The following MED13L variants were observed in gnomAD, a reference collection of about 807,000 sequenced individuals.
The protein encoded by MED13L is mediator complex subunit 13L.
Under a neutral mutation model 220.9 loss-of-function variants are expected in MED13L, and 7 were observed. The observed-to-expected ratio is 0.03, with a 90% CI of 0.02 to 0.06. The LOEUF (loss-of-function observed/expected upper bound fraction) is 0.06. Ranked by LOEUF, MED13L falls within the 10% of genes least tolerant of loss-of-function variation. MED13L has a pLI of 1.00. For synonymous variants in MED13L, 1,011 were observed against 1,015.2 expected (o/e 1.00, Z 0.08); for missense variants, 1,965 against 2,760.5 (o/e 0.71, Z 6.46).
At chr12:116,067,004 T>C (rs745337270) in intron 4 of MED13L, among the ~76,000 whole-genome samples, 3 of 151,928 alleles carry the variant, frequency 2.0e-5, no homozygotes, top group African/African-American at 4.8e-5. Context: ...CAACTGAAGG[T>C]GATGAGAAAA....
At chr12:116,147,276 A>G (rs1877604293) in intron 2 of MED13L, among the ~76,000 whole-genome samples, 1 of 152,232 alleles carries the variant, frequency 6.6e-6, no homozygotes, top group African/African-American at 2.4e-5. Flanking sequence ...TCAAATAGTA[A>G]AAAAATAAAT....
intron 2 of MED13L, among the ~76,000 whole-genome samples, chr12:116,118,129 G>A (rs1345917891): frequency 6.6e-6 from 1 of 151,976 alleles, no homozygotes; most frequent in African/African-American, 2.4e-5. Context: ...TTTTTTAAAT[G>A]CTAAAAATTA....
intron 6 of MED13L, 66 bp downstream of exon 6, chr12:116,019,712 A>G: frequency 6.6e-7 from 1 of 1,504,872 alleles, no homozygotes; most frequent in Non-Finnish European, 9.2e-7. Context: ...AATCTAAATG[A>G]TTATCTTTTT....
intron 2 of MED13L, among the ~76,000 whole-genome samples, chr12:116,119,627 G>C (rs1874825417): frequency 6.6e-6 from 1 of 150,930 alleles, no homozygotes; most frequent in South Asian, 2.1e-4. Context: ...GGATTGCAAG[G>C]CTCCAGCTCT....
At chr12:116,128,483 T>C (rs1275252366) in intron 2 of MED13L, among the ~76,000 whole-genome samples, 2 of 151,770 alleles carry the variant, frequency 1.3e-5, no homozygotes, top group Non-Finnish European at 2.9e-5. Flanking sequence ...AATACCACAA[T>C]AAACTCACAA....
chr12:116,275,871 C>G (rs1212293147), intron 1 of MED13L, among the ~76,000 whole-genome samples: 4 of 152,202 alleles, frequency 2.6e-5, no homozygotes, highest in African/African-American at 9.7e-5. Context: ...CATCTGTTTA[C>G]AAATCTTTGC....
At chr12:116,274,853 G>GTAA (rs983408889) in intron 1 of MED13L, among the ~76,000 whole-genome samples, 1 of 151,830 alleles carries the variant, frequency 6.6e-6, no homozygotes, top group Non-Finnish European at 1.5e-5. Flanking sequence ...GGTTTAAAGA[G>GTAA]GTTTAGGGGA....
intron 4 of MED13L, among the ~76,000 whole-genome samples, chr12:116,033,071 T>C (rs11615595): frequency 0.15 from 22,640 of 152,026 alleles, 1,898 homozygotes; most frequent in Middle Eastern, 0.21. Flanking sequence ...TGTATGAGTT[T>C]GATTGGGTTT....
intron 2 of MED13L, among the ~76,000 whole-genome samples, chr12:116,193,146 A>C (rs1020160828): frequency 3.3e-5 from 5 of 151,694 alleles, no homozygotes; most frequent in African/African-American, 1.2e-4. Context: ...AACAACAACA[A>C]CAAAAAAAAC....
At chr12:116,237,821 A>G in intron 1 of MED13L, 116 bp from the exon 2 acceptor site, 1 of 905,160 alleles carries the variant, frequency 1.1e-6, no homozygotes, top group Admixed American at 1.9e-5. Flanking sequence ...GAAACTTCAT[A>G]TCATAAGATT....
At chr12:116,211,319 ATTAAC>A (rs1431398871) in intron 2 of MED13L, among the ~76,000 whole-genome samples, 2 of 152,116 alleles carry the variant, frequency 1.3e-5, no homozygotes, top group Non-Finnish European at 1.5e-5. Context: ...TTTAATTTTA[ATTAAC>A]TTAAACAGCC....
rs190572432 is a variant in MED13L, at chr12:116,001,889, G to A, written c.2569+1114C>T. ...CACTTGGCAATGCTGCTAACTAGCA[G>A]GATGTCTGCGAGTGAAAAGCCTTGG... On this transcript the variant is annotated intron_variant, in intron 14 of 30. Coordinates refer to ENST00000281928, the MANE Select transcript of MED13L (RefSeq NM_015335.5). 1.6e-4 allele frequency among the ~76,000 whole-genome samples: 25 copies of A among 152,314 alleles called. No homozygotes were observed. In the East Asian group the frequency reaches 4.4e-3, roughly 27 times the overall value.
rs777950419 is a variant in MED13L, at chr12:115,972,062, A to T, written c.5890+16T>A. 1 of 1,613,394 alleles carries T rather than the reference A, an allele frequency of 6.2e-7. No individual in the cohort carries two copies. Among genetic ancestry groups the T allele is most frequent in the South Asian group, 1.1e-5 (1 of 91,056 alleles). ...ATGTGATATGTAATTAATGACAATG[A>T]CAAGAAGAAATTTACCTGGCATCAC... On this transcript the variant is annotated intron_variant, in intron 26 of 30. Coordinates refer to ENST00000281928, the MANE Select transcript of MED13L (RefSeq NM_015335.5).
rs146200979 is a variant in MED13L, at chr12:116,037,387, T to C, written c.480-14786A>G. Among the ~76,000 whole-genome samples, 23 of 152,342 alleles carry C rather than the reference T, an allele frequency of 1.5e-4. No individual in the cohort carries two copies. In the East Asian group the frequency reaches 4.2e-3, roughly 28 times the overall value. On this transcript the variant is annotated intron_variant, in intron 4 of 30. Coordinates refer to ENST00000281928, the MANE Select transcript of MED13L (RefSeq NM_015335.5). ...TATAAAATAACCTTCAGGCTGTATG[T>C]ACAAGGTATATATGAAACAAATGAA...
chr12:115,990,994 G>A (rs1258063258), intron 17 of MED13L, 26 bp downstream of exon 17: 1 of 1,606,952 alleles, frequency 6.2e-7, no homozygotes, highest in African/African-American at 1.3e-5. Context: ...ACTCCTCAAA[G>A]TAAATTTGTG....
chr12:116,111,822 CTATT>C (rs1467494072), intron 2 of MED13L, among the ~76,000 whole-genome samples: 5 of 152,082 alleles, frequency 3.3e-5, no homozygotes, highest in African/African-American at 1.2e-4. Flanking sequence ...TCAAATTAAT[CTATT>C]TAAGAGTATC....
intron 2 of MED13L, among the ~76,000 whole-genome samples, chr12:116,181,577 G>A (rs1224294954): frequency 6.6e-6 from 1 of 151,842 alleles, no homozygotes; most frequent in Non-Finnish European, 1.5e-5. Context: ...GCGTGATCTC[G>A]GCTCACCGCA....
intron 8 of MED13L, among the ~76,000 whole-genome samples, chr12:116,014,567 G>A (rs954045011): frequency 3.3e-5 from 5 of 152,120 alleles, no homozygotes; most frequent in Non-Finnish European, 5.9e-5. Flanking sequence ...CAGGGAGACT[G>A]GAAAGGAAGG....
At chr12:116,179,181 ATAATT>A (rs1326666342) in intron 2 of MED13L, among the ~76,000 whole-genome samples, 2 of 151,338 alleles carry the variant, frequency 1.3e-5, no homozygotes, top group Non-Finnish European at 2.9e-5. Context: ...TTACCACAAA[ATAATT>A]TAAAATTTGA....
Sources: gnomAD v4.1 joint callset for allele counts (sites outside exome capture counted in the v4.1 genomes callset) on GRCh38, gnomAD v4.1.1 for gene constraint, MANE v1.5 for transcripts, NCBI Gene and HGNC (gene_info 2026-07-23, HGNC 2026-07-21) for gene names.